The following C1orf54 variants were observed in gnomAD, a reference collection of about 807,000 sequenced individuals.
C1orf54 encodes chromosome 1 open reading frame 54.
C1orf54 carries 12 observed loss-of-function variants against 14.7 expected under a neutral mutation model. The observed-to-expected ratio is 0.82, with a 90% confidence interval of 0.52 to 1.32. The LOEUF (loss-of-function observed/expected upper bound fraction) is 1.32, where lower values mean the gene tolerates loss of function less well. C1orf54 is among the 40% of genes most tolerant of loss of function. C1orf54 has a pLI of 0.00. For synonymous variants in C1orf54, 65 were observed against 56.3 expected (o/e 1.16, Z -0.70); for missense variants, 163 against 162.2 (o/e 1.00, Z -0.03).
intron 4 of C1orf54, 127 bp from the exon 5 acceptor site, chr1:150,279,516 C>A: frequency 1.1e-6 from 1 of 897,112 alleles, no homozygotes; most frequent in Non-Finnish European, 1.7e-6. Context: ...ATGGATCTTT[C>A]TCTAAGCCCA....
At chr1:150,273,120 G>C (rs1487509194) in intron 1 of C1orf54, among the ~76,000 whole-genome samples, 1 of 152,196 alleles carries the variant, frequency 6.6e-6, no homozygotes, top group Non-Finnish European at 1.5e-5. Context: ...ACTGAGCTCA[G>C]TTCTCCATCA....
intron 1 of C1orf54, among the ~76,000 whole-genome samples, chr1:150,273,185 T>C (rs1472251645): frequency 6.6e-6 from 1 of 152,140 alleles, no homozygotes; most frequent in Non-Finnish European, 1.5e-5. Flanking sequence ...GGAGGGATTA[T>C]TGGAAGGTGT....
chr1:150,280,731 C>A, intron 5 of C1orf54, 104 bp from the exon 6 acceptor site: 1 of 909,948 alleles, frequency 1.1e-6, no homozygotes, highest in Non-Finnish European at 1.7e-6. Context: ...CAGAGCAATC[C>A]CAGCTCAGAA....
upstream of C1orf54, among the ~76,000 whole-genome samples, chr1:150,271,570 G>A (rs1553851276): frequency 1.3e-5 from 2 of 152,228 alleles, no homozygotes; most frequent in Admixed American, 1.3e-4. Flanking sequence ...AAGCAAAACT[G>A]TCTTTTCTTA....
rs782385586 is a variant in C1orf54 at position 150,276,646 on chromosome 1, G to A, written c.300+14G>A. ...ACAACGGAACCTGTGAGTTGATTGG[G>A]GATTGGGGGCTGGGGGGAGACAGGA... On this transcript the variant is annotated intron_variant, in intron 4 of 5. Coordinates refer to ENST00000369099, the MANE Select transcript of C1orf54 (RefSeq NM_024579.4). 3.1e-6 allele frequency: 5 copies of A among 1,601,818 alleles called. No individual in the cohort carries two copies. The Admixed American group carries it at 5.0e-5, about 16-fold the overall frequency.
chr1:150,279,676 C>G lies in C1orf54; in HGVS notation c.334C>G (p.Arg112Gly). The change falls in exon 5 of 6, where the codon CGA becomes GGA. Residue 112 changes from arginine (R) to glycine (G), a missense_variant. Coordinates refer to ENST00000369099, the MANE Select transcript of C1orf54 (RefSeq NM_024579.4). The part of the protein sequence containing the change: ...PDLNDAVSSL[R>G]SPIPLLLSCA... ...TCTGAACGATGCCGTGTCCAGTTTG[C>G]GAAGTCCTATTCCCCTCCTCCTGTC... 1 of 1,612,662 alleles carries G rather than the reference C, an allele frequency of 6.2e-7. No homozygotes were observed. Among genetic ancestry groups the G allele is most frequent in the Non-Finnish European group, 8.5e-7 (1 of 1,179,364 alleles).
intron 3 of C1orf54, among the ~76,000 whole-genome samples, chr1:150,276,027 T>A (rs12044791): frequency 1.3e-5 from 2 of 152,044 alleles, no homozygotes; most frequent in Non-Finnish European, 2.9e-5. Context: ...TAATCCCAGC[T>A]ACTCAGAAGG....
At chr1:150,270,117 A>G (rs1553850982), upstream of C1orf54, among the ~76,000 whole-genome samples, 1 of 152,160 alleles carries the variant, frequency 6.6e-6, no homozygotes, top group African/African-American at 2.4e-5. Flanking sequence ...CTTAGGGAAG[A>G]TGTTAGGCAA....
upstream of C1orf54, chr1:150,272,757 G>C (rs1560040493): frequency 1.9e-6 from 3 of 1,588,922 alleles, no homozygotes; most frequent in African/African-American, 4.0e-5. Context: ...GGCGGGGTAA[G>C]TTTGGTGGGA....
At chr1:150,278,001 G>A (rs1652804948) in intron 4 of C1orf54, among the ~76,000 whole-genome samples, 1 of 152,168 alleles carries the variant, frequency 6.6e-6, no homozygotes, top group African/African-American at 2.4e-5. Flanking sequence ...GGAGGCTGAG[G>A]CAGGAGAATC....
chr1:150,279,662 C>G lies in C1orf54; in HGVS notation c.320C>G (p.Ala107Gly), dbSNP rs782005660. 6.2e-7 allele frequency: 1 copy of G among 1,612,354 alleles called. No homozygotes were observed. The highest frequency in any genetic ancestry group is 1.1e-5 in the South Asian group (1 of 90,684). Residue 107 changes from alanine (A) to glycine (G), a missense_variant, in exon 5 of 6, where the codon GCC becomes GGC. Physicochemically the swap from Ala to Gly is moderately conservative, Grantham distance 60. Transcript: ENST00000369099. ...TAGCAGAGTCCAGATCTGAACGATG[C>G]CGTGTCCAGTTTGCGAAGTCCTATT... ...TTEPSPDLND[A>G]VSSLRSPIPL...
chr1:150,273,618 T>C (rs1167698442), intron 1 of C1orf54, among the ~76,000 whole-genome samples: 1 of 152,194 alleles, frequency 6.6e-6, no homozygotes, highest in Non-Finnish European at 1.5e-5. Context: ...GGTTATTCTG[T>C]TAGCAGTGAA....
At chr1:150,279,817 T>C in intron 5 of C1orf54, 76 bp downstream of exon 5, 1 of 1,215,296 alleles carries the variant, frequency 8.2e-7, no homozygotes. Flanking sequence ...ACCGAAGTAA[T>C]TCTTACCAGT....
chr1:150,272,914 T>C, intron 1 of C1orf54, 51 bp downstream of exon 1: 2 of 1,597,486 alleles, frequency 1.3e-6, no homozygotes, highest in Non-Finnish European at 1.7e-6. Flanking sequence ...CTACCATAAA[T>C]GGGGTGGGAG....
At chr1:150,271,857 G>A (rs1553851323), upstream of C1orf54, among the ~76,000 whole-genome samples, 2 of 152,210 alleles carry the variant, frequency 1.3e-5, no homozygotes, top group Non-Finnish European at 2.9e-5. Context: ...GATGAGGTGA[G>A]GCCGGGCACG....
intron 3 of C1orf54, 29 bp from the exon 4 acceptor site, chr1:150,276,493 C>T (rs1652666750): frequency 1.3e-6 from 2 of 1,563,026 alleles, no homozygotes; most frequent in African/African-American, 1.4e-5. Flanking sequence ...ACTGATAACT[C>T]TGTGTTTCCC....
chr1:150,270,768 A>AG (rs1652144858), upstream of C1orf54, among the ~76,000 whole-genome samples: 1 of 152,018 alleles, frequency 6.6e-6, no homozygotes, highest in Non-Finnish European at 1.5e-5. Context: ...AGGTCGAGGC[A>AG]GGCAGATCAC....
chr1:150,271,784 G>A (rs1652220261), upstream of C1orf54, among the ~76,000 whole-genome samples: 1 of 152,206 alleles, frequency 6.6e-6, no homozygotes, highest in African/African-American at 2.4e-5. Context: ...GGCACCTGTA[G>A]CAGGGAAAGA....
chr1:150,276,669 G>T (rs1330287050), intron 4 of C1orf54, 37 bp downstream of exon 4: 1 of 1,521,530 alleles, frequency 6.6e-7, no homozygotes, highest in Non-Finnish European at 9.1e-7. Flanking sequence ...GGGGGAGACA[G>T]GACATCCCTA....
Sources: allele counts gnomAD v4.1 joint callset (sites outside exome capture counted in the v4.1 genomes callset), GRCh38; gene constraint gnomAD v4.1.1; transcripts MANE v1.5; gene names NCBI Gene and HGNC (gene_info 2026-07-23, HGNC 2026-07-21).